RASGRF2: variants seen among roughly 807,000 people sequenced by gnomAD.
RASGRF2 encodes the protein ras-specific guanine nucleotide-releasing factor 2.
RASGRF2 carries 76 observed loss-of-function variants against 151.0 expected under a neutral mutation model. That is an observed-to-expected ratio of 0.50 (90% CI 0.42 to 0.61). The LOEUF is 0.61. RASGRF2 is among the 20% of genes least tolerant of loss of function. The pLI is 0.00. For missense variants in RASGRF2, 1,148 were observed against 1,564.6 expected (o/e 0.73, Z 4.49); for synonymous variants, 504 against 566.5 (o/e 0.89, Z 1.57).
At chr5:81,205,124 T>G (rs1174805782) in intron 19 of RASGRF2, among the ~76,000 whole-genome samples, 1 of 152,238 alleles carries the variant, frequency 6.6e-6, no homozygotes, top group Non-Finnish European at 1.5e-5. Context: ...CTCATCTTAA[T>G]CTGCCCTTTA....
chr5:80,969,243 G>C (rs923163003), intron 1 of RASGRF2, among the ~76,000 whole-genome samples: 1 of 146,820 alleles, frequency 6.8e-6, no homozygotes, highest in Non-Finnish European at 1.5e-5. Context: ...TGATTCTCCT[G>C]TGTAAGCCTC....
At chr5:80,964,291 AG>A in intron 1 of RASGRF2, among the ~76,000 whole-genome samples, 1 of 152,298 alleles carries the variant, frequency 6.6e-6, no homozygotes, top group East Asian at 1.9e-4. Context: ...TTTCTTAAAA[AG>A]GTGTCCGATG....
chr5:81,203,956 C>T (rs1408007387), intron 19 of RASGRF2: 4 of 152,230 alleles, frequency 2.6e-5, no homozygotes, highest in African/African-American at 9.6e-5. Context: ...CTTTAGGCTT[C>T]GTCACCTTTT....
chr5:81,062,384 C>A (rs995062945), intron 2 of RASGRF2, among the ~76,000 whole-genome samples: 5 of 152,086 alleles, frequency 3.3e-5, no homozygotes, highest in African/African-American at 1.2e-4. Flanking sequence ...TATAATTAAA[C>A]CTCTATTGAT....
At chr5:80,993,454 T>C (rs1413250493) in intron 1 of RASGRF2, among the ~76,000 whole-genome samples, 1 of 152,226 alleles carries the variant, frequency 6.6e-6, no homozygotes, top group African/African-American at 2.4e-5. Context: ...CTCCGTTTCC[T>C]AATTTATGTA....
intron 1 of RASGRF2, among the ~76,000 whole-genome samples, chr5:81,019,973 G>A (rs1749773124): frequency 6.6e-6 from 1 of 152,210 alleles, no homozygotes; most frequent in South Asian, 2.1e-4. Context: ...TTAAGGACCA[G>A]AGTTTTAAGT....
At chr5:81,221,023 T>C (rs1755845667) in intron 26 of RASGRF2, among the ~76,000 whole-genome samples, 1 of 152,148 alleles carries the variant, frequency 6.6e-6, no homozygotes, top group African/African-American at 2.4e-5. Context: ...TACTCAGGGT[T>C]AGCCTGGGGT....
intron 1 of RASGRF2, among the ~76,000 whole-genome samples, chr5:80,976,824 T>G (rs146567131): frequency 2.4e-4 from 37 of 152,348 alleles, no homozygotes; most frequent in Middle Eastern, 3.4e-3. Flanking sequence ...CCTCTGTGCC[T>G]TGATTTATGC....
chr5:81,200,641 A>C (rs1298016866), intron 18 of RASGRF2, among the ~76,000 whole-genome samples: 1 of 152,236 alleles, frequency 6.6e-6, no homozygotes, highest in Non-Finnish European at 1.5e-5. Flanking sequence ...GGTATGTCAC[A>C]GTTACTGATC....
intron 12 of RASGRF2, chr5:81,096,448 C>G (rs1219744575): frequency 3.3e-5 from 5 of 152,136 alleles, no homozygotes; most frequent in Non-Finnish European, 7.3e-5. Flanking sequence ...TTCTTGCTCT[C>G]AGGGAGAATA....
At chr5:81,116,713 C>A (rs990164802) in intron 15 of RASGRF2, among the ~76,000 whole-genome samples, 1 of 152,162 alleles carries the variant, frequency 6.6e-6, no homozygotes, top group African/African-American at 2.4e-5. Context: ...CCCTGGCAAC[C>A]AGCTTTCTAC....
intron 18 of RASGRF2, among the ~76,000 whole-genome samples, chr5:81,195,401 C>G (rs1213923126): frequency 6.6e-6 from 1 of 152,202 alleles, no homozygotes; most frequent in East Asian, 1.9e-4. Flanking sequence ...GGGCAAATGT[C>G]TTTTTGCTGC....
At chr5:81,108,780 A>G (rs542737457) in intron 12 of RASGRF2, among the ~76,000 whole-genome samples, 9 of 151,374 alleles carry the variant, frequency 5.9e-5, no homozygotes, top group African/African-American at 7.3e-5. Flanking sequence ...TAGTTGATAC[A>G]GTTTTGGTGT....
intron 17 of RASGRF2, among the ~76,000 whole-genome samples, chr5:81,171,500 G>A (rs899206139): frequency 7.9e-5 from 12 of 151,984 alleles, no homozygotes; most frequent in African/African-American, 1.2e-4. Context: ...TCACAAAGTT[G>A]AGCAGACAAG....
intron 6 of RASGRF2, 38 bp from the exon 7 acceptor site, chr5:81,080,558 C>A (rs777735851): frequency 6.4e-7 from 1 of 1,574,704 alleles, no homozygotes; most frequent in Admixed American, 1.7e-5. Flanking sequence ...ATTTACCAAG[C>A]AACAAGGGAA....
intron 12 of RASGRF2, among the ~76,000 whole-genome samples, chr5:81,099,631 C>T (rs1752641287): frequency 6.6e-6 from 1 of 152,192 alleles, no homozygotes; most frequent in Non-Finnish European, 1.5e-5. Context: ...ATGTAACTCT[C>T]TTCTAAGTCT....
intron 15 of RASGRF2, among the ~76,000 whole-genome samples, chr5:81,121,943 T>G (rs1210401945): frequency 6.6e-6 from 1 of 152,212 alleles, no homozygotes; most frequent in Non-Finnish European, 1.5e-5. Flanking sequence ...GTTCTTAGTT[T>G]GAAAATTGCC....
chr5:81,218,451 G>A (rs950248471), intron 25 of RASGRF2, among the ~76,000 whole-genome samples: 1 of 152,200 alleles, frequency 6.6e-6, no homozygotes, highest in Non-Finnish European at 1.5e-5. Flanking sequence ...TTGTTGAAAA[G>A]GGTGTCCTTT....
intron 1 of RASGRF2, among the ~76,000 whole-genome samples, chr5:81,029,937 A>G (rs1027035098): frequency 6.6e-6 from 1 of 152,202 alleles, no homozygotes; most frequent in African/African-American, 2.4e-5. Flanking sequence ...ACTAGAATAA[A>G]CAATGTAGAG....
Sources: allele counts gnomAD v4.1 joint callset (sites outside exome capture counted in the v4.1 genomes callset), GRCh38; gene constraint gnomAD v4.1.1; transcripts MANE v1.5; gene names NCBI Gene and HGNC (gene_info 2026-07-23, HGNC 2026-07-21).